The following GRK5 variants were observed in gnomAD, a reference collection of about 807,000 sequenced individuals.
GRK5 encodes g protein-coupled receptor kinase GRK5.
Under a neutral mutation model 78.4 loss-of-function variants are expected in GRK5, and 40 were observed. The ratio of observed to expected loss-of-function variants is 0.51; its 90% CI spans 0.40 to 0.66. GRK5 has a LOEUF of 0.66. Ranked by LOEUF, GRK5 falls within the 30% of genes least tolerant of loss-of-function variation. The probability of loss-of-function intolerance (pLI) is 0.00; values close to 1 mark genes in which losing one functional copy is unlikely to be tolerated. For missense variants in GRK5, 598 were observed against 759.9 expected, an observed-to-expected ratio of 0.79 and a Z score of 2.50; for synonymous variants, 289 against 296.8, an observed-to-expected ratio of 0.97 and a Z score of 0.27.
At chr10:119,301,021 T>C (rs1379824026) in intron 1 of GRK5, among the ~76,000 whole-genome samples, 1 of 151,944 alleles carries the variant, frequency 6.6e-6, no homozygotes, top group Non-Finnish European at 1.5e-5. Context: ...GGAGAATCGC[T>C]TGAACCCAGG....
chr10:119,426,111 G>A (rs2133888115), intron 6 of GRK5, among the ~76,000 whole-genome samples: 1 of 152,352 alleles, frequency 6.6e-6, no homozygotes, highest in South Asian at 2.1e-4. Context: ...CAGTGAGAAA[G>A]GAGCCATCCA....
At chr10:119,294,117 G>A (rs1444142124) in intron 1 of GRK5, among the ~76,000 whole-genome samples, 1 of 152,170 alleles carries the variant, frequency 6.6e-6, no homozygotes, top group East Asian at 1.9e-4. Context: ...GACCCCTCCT[G>A]CAGGGAGGAA....
At position 119,380,902 on chromosome 10, in the gene GRK5, G is replaced by C; in HGVS notation, c.236G>C (p.Cys79Ser). The C allele has an allele frequency of 6.2e-7, 1 of 1,612,080 alleles. No homozygotes were observed. Among genetic ancestry groups the C allele is most frequent in the South Asian group, 1.1e-5 (1 of 91,016 alleles). Residue 79 changes from cysteine (C) to serine (S), a missense_variant, in exon 3 of 16, where the codon TGT (cysteine) becomes TCT (serine). By Grantham distance (112) the Cys-to-Ser change is moderately radical. Transcript: ENST00000392870. ...QFCETRPGLECYIQFLDSVAE... is the reference protein window; with the variant it reads ...QFCETRPGLESYIQFLDSVAE... ...TGTGAAACCAGGCCTGGGCTGGAGT[G>C]TTACATTCAGTTCCTGGACTCCGTG...
chr10:119,457,402 A>G lies in GRK5; in HGVS notation c.*2335A>G, dbSNP rs7904231. 860 of 152,246 alleles carry G rather than the reference A, an allele frequency of 5.6e-3. 10 individuals carry two copies. Among genetic ancestry groups the G allele is most frequent in the African/African-American group, 0.019 (778 of 41,526 alleles). 9.4% of individuals were successfully genotyped at this position (152,246 alleles called of 1,614,324 possible). A position where few individuals can be genotyped will look rare whatever the true frequency, so the allele number is the denominator to read the frequency against. On this transcript the variant is annotated 3_prime_UTR_variant, in exon 16 of 16. Coordinates refer to ENST00000392870, the MANE Select transcript of GRK5 (RefSeq NM_005308.3). ...GGCTGCCGTGTTTCTAGGTCATGAG[A>G]GCTCTGGCGATACTACCACAAGGCC...
intron 1 of GRK5, among the ~76,000 whole-genome samples, chr10:119,310,814 G>A (rs755737614): frequency 6.6e-6 from 1 of 152,168 alleles, no homozygotes; most frequent in Non-Finnish European, 1.5e-5. Flanking sequence ...CCTTATAAAG[G>A]GCATTTGGTT....
At chr10:119,389,458 G>A (rs907882999) in intron 3 of GRK5, among the ~76,000 whole-genome samples, 3 of 152,200 alleles carry the variant, frequency 2.0e-5, no homozygotes, top group African/African-American at 4.8e-5. Flanking sequence ...GCCAGACCCC[G>A]GGAGCAGGGC....
intron 2 of GRK5, among the ~76,000 whole-genome samples, chr10:119,349,099 G>A (rs1851149466): frequency 2.0e-5 from 3 of 152,198 alleles, no homozygotes; most frequent in Admixed American, 2.0e-4. Flanking sequence ...AGTGGGGAGA[G>A]GTTAAACACT....
chr10:119,237,877 A>T (rs1014558765), intron 1 of GRK5, among the ~76,000 whole-genome samples: 2 of 152,018 alleles, frequency 1.3e-5, no homozygotes, highest in Non-Finnish European at 2.9e-5. Context: ...TACAGGAAAG[A>T]CTATTATGGG....
intron 1 of GRK5, among the ~76,000 whole-genome samples, chr10:119,320,308 A>C (rs1246749746): frequency 6.6e-6 from 1 of 152,270 alleles, no homozygotes; most frequent in Non-Finnish European, 1.5e-5. Context: ...CGGGTCCGCT[A>C]TCAGCACAGG....
Position 119,456,227 on chromosome 10 carries a change from G to A in GRK5, c.*1160G>A, listed in dbSNP as rs1853401240. 6.6e-6 allele frequency: 1 copy of A among 152,340 alleles called. No individual in the cohort carries two copies. The highest frequency in any genetic ancestry group is 1.9e-4 in the East Asian group (1 of 5,186). 9.4% of individuals were successfully genotyped at this position (152,340 alleles called of 1,614,324 possible). ...TGTGCTGGCCCATGTGGCATGGATG[G>A]GGTAGTCTCTCTGGGCAAATGAGAG... On this transcript the variant is annotated 3_prime_UTR_variant, in exon 16 of 16. Transcript: ENST00000392870. The surrounding 1 kb of genome is among the most constrained non-coding windows in gnomAD (Gnocchi z 5.5).
At chr10:119,236,259 A>T (rs1206146446) in intron 1 of GRK5, among the ~76,000 whole-genome samples, 1 of 151,782 alleles carries the variant, frequency 6.6e-6, no homozygotes, top group Admixed American at 6.6e-5. Context: ...TGTCTCTCCC[A>T]GGCTGGAGTG....
chr10:119,415,823 TG>T (rs1852438095), intron 4 of GRK5, among the ~76,000 whole-genome samples: 1 of 152,198 alleles, frequency 6.6e-6, no homozygotes. Flanking sequence ...GGCCCCGCCA[TG>T]GGCCAGCAAG....
chr10:119,252,783 T>C (rs1849224896), intron 1 of GRK5, among the ~76,000 whole-genome samples: 1 of 152,204 alleles, frequency 6.6e-6, no homozygotes, highest in Non-Finnish European at 1.5e-5. Flanking sequence ...TCTGTGGCTT[T>C]TGCCTCATTT....
At position 119,234,478 on chromosome 10, in the gene GRK5, C is replaced by G. The variant is rs1290308165; in HGVS notation, c.52+26509C>G. Among the ~76,000 whole-genome samples, 4 of 152,294 alleles carry G rather than the reference C, an allele frequency of 2.6e-5. No individual in the cohort carries two copies. In the South Asian group the frequency reaches 6.2e-4, roughly 24 times the overall value. ...GCACAGAAGACTTAGGAATCTTGCC[C>G]AAGTTCCACCGTCAGTAGGAGGCAA... On this transcript the variant is annotated intron_variant, in intron 1 of 15. Coordinates refer to ENST00000392870, the MANE Select transcript of GRK5 (RefSeq NM_005308.3).
chr10:119,454,260 C>A (rs1265942330), intron 15 of GRK5, among the ~76,000 whole-genome samples: 1 of 152,220 alleles, frequency 6.6e-6, no homozygotes, highest in Non-Finnish European at 1.5e-5. Flanking sequence ...ACCATGGAGT[C>A]TCACAGACCC....
At chr10:119,398,067 T>C (rs1852086137) in intron 4 of GRK5, among the ~76,000 whole-genome samples, 2 of 152,246 alleles carry the variant, frequency 1.3e-5, no homozygotes, top group African/African-American at 4.8e-5. Flanking sequence ...GGTGTGGCCC[T>C]GGGTAGGCAC....
intron 3 of GRK5, among the ~76,000 whole-genome samples, chr10:119,394,364 G>GTATC (rs1851975980): frequency 1.3e-4 from 14 of 106,214 alleles, no homozygotes; most frequent in South Asian, 6.2e-4. Flanking sequence ...GTGTGTGGGT[G>GTATC]TGTGTGGGTG....
At chr10:119,269,832 T>TA (rs1158379424) in intron 1 of GRK5, among the ~76,000 whole-genome samples, 27,411 of 95,844 alleles carry the variant, frequency 0.29, 4,439 homozygotes, top group East Asian at 0.7. Flanking sequence ...GACTCCATCT[T>TA]AAAAAAAAAA....
intron 8 of GRK5, among the ~76,000 whole-genome samples, chr10:119,433,781 T>G (rs1852867176): frequency 6.6e-6 from 1 of 152,198 alleles, no homozygotes; most frequent in Non-Finnish European, 1.5e-5. Context: ...TGGCCTTGCT[T>G]CACAGAGCCT....
Sources: gnomAD v4.1 joint callset for allele counts (sites outside exome capture counted in the v4.1 genomes callset) on GRCh38, gnomAD v4.1.1 for gene constraint, Gnocchi (gnomAD v3.1) non-coding constraint, MANE v1.5 for transcripts, NCBI Gene and HGNC (gene_info 2026-07-23, HGNC 2026-07-21) for gene names.